The following ZNF600 variants were observed in gnomAD, a reference collection of about 807,000 sequenced individuals.
The protein encoded by ZNF600 is zinc finger protein 600, also known as zinc finger protein KR-ZNF1.
A neutral mutation model predicts 7.3 loss-of-function variants in ZNF600; 4 were observed. That is an observed-to-expected ratio of 0.55 (90% CI 0.27 to 1.25). ZNF600 has a LOEUF of 1.25. ZNF600 is among the 50% of genes most tolerant of loss of function. The pLI is 0.12. For synonymous variants in ZNF600, 290 were observed against 308.9 expected (o/e 0.94, Z 0.64); for missense variants, 911 against 922.1 (o/e 0.99, Z 0.16).
Position 52,778,843 on chromosome 19 carries a change from C to T in ZNF600, c.46G>A (p.Gly16Ser). ...CACTTCACCTGAGGAAGAGCCATGCCTGGCTCCTTTCCTTTCCTCTTCTGA... is the reference window on the plus strand; with the variant it reads ...CACTTCACCTGAGGAAGAGCCATGCTTGGCTCCTTTCCTTTCCTCTTCTGA... The change falls in exon 2 of 4, where the codon GGC becomes AGC. Residue 16 changes from glycine (G) to serine (S), a missense_variant. Transcript: ENST00000648973. The T allele has an allele frequency of 1.9e-6, 3 of 1,607,896 alleles. No homozygotes were observed. In the South Asian group the frequency reaches 3.3e-5, roughly 18 times the overall value.
the ZNF600 span, among the ~76,000 whole-genome samples, chr19:52,794,587 G>A: frequency 1.3e-5 from 2 of 152,180 alleles, no homozygotes; most frequent in East Asian, 1.9e-4. Flanking sequence ...CGGGCATGGC[G>A]GCTCACCCTG....
chr19:52,783,261 A>G (rs1324382621), intron 1 of ZNF600, among the ~76,000 whole-genome samples: 3 of 152,204 alleles, frequency 2.0e-5, no homozygotes, highest in South Asian at 2.1e-4. Context: ...AACAGAGAAA[A>G]CAACATGTCA....
chr19:52,779,137 C>G (rs1001442113), intron 1 of ZNF600, among the ~76,000 whole-genome samples: 11 of 152,184 alleles, frequency 7.2e-5, no homozygotes, highest in African/African-American at 2.2e-4. Context: ...CACTAGGCAG[C>G]AGTGGGGAGC....
chr19:52,774,769 G>A, intron 2 of ZNF600, 68 bp from the exon 5 acceptor site: 6 of 985,314 alleles, frequency 6.1e-6, no homozygotes, highest in Non-Finnish European at 7.2e-6. Context: ...TGGGAAATGA[G>A]AAAAGAGAAA....
intron 3 of ZNF600, among the ~76,000 whole-genome samples, chr19:52,768,259 T>C (rs1012482447): frequency 4.0e-5 from 6 of 151,074 alleles, no homozygotes; most frequent in Non-Finnish European, 8.9e-5. Flanking sequence ...TTTCAAACAA[T>C]TATAGCACCG....
the ZNF600 span, among the ~76,000 whole-genome samples, chr19:52,817,416 T>C: frequency 6.6e-6 from 1 of 152,180 alleles, no homozygotes; most frequent in African/African-American, 2.4e-5. Flanking sequence ...GTATTATTCA[T>C]CTATGTATGA....
At chr19:52,814,947 T>C in the ZNF600 span, among the ~76,000 whole-genome samples, 2 of 146,002 alleles carry the variant, frequency 1.4e-5, no homozygotes, top group South Asian at 4.6e-4. Flanking sequence ...TTTTTGCATA[T>C]ATATGCCCCA....
chr19:52,781,979 T>C (rs1005088818), intron 1 of ZNF600, among the ~76,000 whole-genome samples: 1 of 140,184 alleles, frequency 7.1e-6, no homozygotes, highest in Non-Finnish European at 1.5e-5. Flanking sequence ...GAGAATCGCT[T>C]GACCCCGGGA....
the ZNF600 span, among the ~76,000 whole-genome samples, chr19:52,828,530 TTAAA>T: frequency 2.0e-5 from 3 of 152,130 alleles, no homozygotes; most frequent in East Asian, 5.8e-4. Flanking sequence ...ACAACTACAG[TTAAA>T]TAACAGCCAG....
At chr19:52,794,090 G>C in the ZNF600 span, among the ~76,000 whole-genome samples, 79,593 of 150,662 alleles carry the variant, frequency 0.53, 21,483 homozygotes, top group East Asian at 0.79. Context: ...GAGACAACTG[G>C]ACACAGGATT....
At chr19:52,785,017 A>G (rs1022082335) in intron 1 of ZNF600, among the ~76,000 whole-genome samples, 6 of 152,134 alleles carry the variant, frequency 3.9e-5, no homozygotes, top group Admixed American at 1.3e-4. Flanking sequence ...GATTACAGGC[A>G]TGAGCCACTG....
chr19:52,808,249 G>A, the ZNF600 span: 14 of 1,519,264 alleles, frequency 9.2e-6, no homozygotes, highest in South Asian at 6.6e-5. Context: ...TCACAAATCC[G>A]AGTGACGGAT....
chr19:52,778,737 C>G, intron 2 of ZNF600, 89 bp downstream of exon 4: 1 of 1,505,382 alleles, frequency 6.6e-7, no homozygotes, highest in South Asian at 1.3e-5. Context: ...AGGCAAAATT[C>G]TTCAAACTCA....
the ZNF600 span, chr19:52,800,284 T>C: frequency 6.2e-7 from 1 of 1,607,312 alleles, no homozygotes; most frequent in Non-Finnish European, 8.5e-7. Context: ...ATGTATGGTT[T>C]CTCTCCAGTA....
intron 1 of ZNF600, among the ~76,000 whole-genome samples, chr19:52,779,239 G>T (rs910166619): frequency 9.2e-5 from 14 of 152,108 alleles, no homozygotes; most frequent in African/African-American, 3.4e-4. Context: ...TGGATCACAG[G>T]CTGAGCTCAG....
At chr19:52,802,983 G>A in the ZNF600 span, among the ~76,000 whole-genome samples, 10 of 151,972 alleles carry the variant, frequency 6.6e-5, no homozygotes, top group African/African-American at 2.2e-4. Flanking sequence ...GGATGGTCTC[G>A]ATCTCCTGAC....
chr19:52,805,160 C>G, the ZNF600 span: 1 of 151,812 alleles, frequency 6.6e-6, no homozygotes, highest in Admixed American at 6.6e-5. Flanking sequence ...GTCCCAGCTA[C>G]TTGGAAGGCT....
the ZNF600 span, among the ~76,000 whole-genome samples, chr19:52,822,620 A>G: frequency 6.6e-6 from 1 of 152,184 alleles, no homozygotes; most frequent in African/African-American, 2.4e-5. Flanking sequence ...GATAAACACT[A>G]ATCAGTCCTC....
chr19:52,818,534 G>A, the ZNF600 span, among the ~76,000 whole-genome samples: 2 of 122,328 alleles, frequency 1.6e-5, no homozygotes, highest in East Asian at 5.0e-4. Flanking sequence ...CCAACATGGT[G>A]AAACCCTGTC....
Sources: allele counts gnomAD v4.1 joint callset (sites outside exome capture counted in the v4.1 genomes callset), GRCh38; gene constraint gnomAD v4.1.1; transcripts MANE v1.5; gene names NCBI Gene and HGNC (gene_info 2026-07-23, HGNC 2026-07-21).